The following TRPC5 variants were observed in gnomAD, a reference collection of about 807,000 sequenced individuals.
TRPC5 encodes transient receptor potential cation channel subfamily C member 5.
TRPC5 carries 9 observed loss-of-function variants against 56.5 expected under a neutral mutation model. The ratio of observed to expected loss-of-function variants is 0.16; its 90% CI spans 0.10 to 0.28. TRPC5 has a LOEUF of 0.28. TRPC5 is among the 10% of genes least tolerant of loss of function. The pLI is 1.00. For synonymous variants in TRPC5, 282 were observed against 278.5 expected, an observed-to-expected ratio of 1.01 and a Z score of -0.13; for missense variants, 469 against 748.9, an observed-to-expected ratio of 0.63 and a Z score of 4.36.
At chrX:111,935,945 A>G (rs1001987812) in intron 2 of TRPC5, among the ~76,000 whole-genome samples, 2 of 111,474 alleles carry the variant, frequency 1.8e-5, no homozygotes, top group African/African-American at 6.5e-5. Flanking sequence ...GGCTTTGGCT[A>G]TTTTGGGTCT....
In TRPC5 at chrX:111,776,467, G is replaced by A. The variant is rs374262468; in HGVS notation, c.2768C>T (p.Ser923Phe). ...AQSSECPLACSSSLHCASSIC... is the reference protein window; with the variant it reads ...AQSSECPLACFSSLHCASSIC... ...GCTGGATGCACAGTGAAGAGAGCTG[G>A]AACAGGCTAGAGGGCATTCACTGCT... The change falls in exon 11 of 11, where the codon TCC becomes TTC. Residue 923 changes from serine (S) to phenylalanine (F), a missense_variant. This residue lies in a region of TRPC5 where 194 missense variants were observed against 221.8 expected (regional missense o/e 0.87). Coordinates refer to ENST00000262839, the MANE Select transcript of TRPC5 (RefSeq NM_012471.3). The A allele has an allele frequency of 4.1e-6, 5 of 1,209,390 alleles. No individual in the cohort carries two copies. The African/African-American group carries it at 8.7e-5, about 21-fold the overall frequency.
chrX:112,068,385 C>A (rs1930638351), intron 1 of TRPC5, among the ~76,000 whole-genome samples: 1 of 112,391 alleles, frequency 8.9e-6, no homozygotes, highest in Non-Finnish European at 1.9e-5. Context: ...AGGGAGTTCA[C>A]CTTTTGAACA....
At chrX:111,786,218 C>T (rs918589032) in intron 7 of TRPC5, among the ~76,000 whole-genome samples, 3 of 111,585 alleles carry the variant, frequency 2.7e-5, no homozygotes, top group Non-Finnish European at 5.6e-5. Flanking sequence ...ACGGACCTCT[C>T]GGCAGAAACC....
chrX:111,831,137 C>A (rs1922394500), intron 7 of TRPC5, among the ~76,000 whole-genome samples: 1 of 112,434 alleles, frequency 8.9e-6, no homozygotes, highest in Non-Finnish European at 1.9e-5. Context: ...TAGATTCTAG[C>A]AGCTGTTCCA....
chrX:111,960,863 G>C lies in TRPC5; in HGVS notation c.-21-8422C>G, dbSNP rs190540105. 2.1e-4 allele frequency among the ~76,000 whole-genome samples: 23 copies of C among 111,227 alleles called. No homozygotes were observed. The Admixed American group carries it at 2.1e-3, about 10-fold the overall frequency. On this transcript the variant is annotated intron_variant, in intron 1 of 10. Transcript: ENST00000262839. The stretch of plus-strand genomic sequence containing the variant: ...AGACAGAGTCTCACTCTGTTGCCCA[G>C]TGCAGTGGTGCGATCTCGGCTCACT...
chrX:111,980,366 T>G (rs780059480), intron 1 of TRPC5, among the ~76,000 whole-genome samples: 1 of 111,501 alleles, frequency 9.0e-6, no homozygotes, highest in South Asian at 3.7e-4. Context: ...CTTTTGAGTG[T>G]GATAGATATG....
intron 1 of TRPC5, among the ~76,000 whole-genome samples, chrX:112,044,721 G>T (rs970845559): frequency 8.9e-6 from 1 of 111,833 alleles, no homozygotes; most frequent in African/African-American, 3.2e-5. Flanking sequence ...GGAAAATTCT[G>T]TGTGATTTCT....
intron 2 of TRPC5, among the ~76,000 whole-genome samples, chrX:111,927,752 G>A (rs1487991333): frequency 9.1e-6 from 1 of 110,221 alleles, no homozygotes; most frequent in Non-Finnish European, 1.9e-5. Flanking sequence ...AATTCCGTAA[G>A]TTATGGATAT....
At chrX:112,074,724 T>C (rs1291776908) in intron 1 of TRPC5, among the ~76,000 whole-genome samples, 4 of 111,808 alleles carry the variant, frequency 3.6e-5, no homozygotes, top group Non-Finnish European at 7.5e-5. Context: ...CTTCTGACCA[T>C]GTCGAAAGTT....
intron 3 of TRPC5, among the ~76,000 whole-genome samples, chrX:111,910,885 T>C (rs970687277): frequency 5.3e-5 from 6 of 112,726 alleles, no homozygotes; most frequent in African/African-American, 1.9e-4. Flanking sequence ...TGTGCGTAAG[T>C]ATATTACCTA....
chrX:111,770,036 T>C lies in TRPC5; in HGVS notation c.*6277A>G, dbSNP rs1039292719. ...GTATGGCTTTTTAAGGTGACTACTT[T>C]AAAGGACCACGTTCATTTGGGTGCA... On this transcript the variant is annotated 3_prime_UTR_variant, in exon 11 of 11. Transcript: ENST00000262839. 3.6e-5 allele frequency among the ~76,000 whole-genome samples: 4 copies of C among 111,711 alleles called. 1 individual carries two copies. The highest frequency in any genetic ancestry group is 7.5e-5 in the Non-Finnish European group (4 of 53,098).
intron 3 of TRPC5, among the ~76,000 whole-genome samples, chrX:111,877,637 A>G (rs1924015509): frequency 9.0e-6 from 1 of 111,479 alleles, no homozygotes; most frequent in South Asian, 3.8e-4. Context: ...GGGTAAAACC[A>G]TAGGAGTTGG....
At position 111,771,170 on chromosome X, in the gene TRPC5, C is replaced by A. The variant is rs1945841319; in HGVS notation, c.*5143G>T. Among the ~76,000 whole-genome samples the A allele has an allele frequency of 9.0e-6, 1 of 111,369 alleles. No individual in the cohort carries two copies. Among genetic ancestry groups the A allele is most frequent in the South Asian group, 3.8e-4 (1 of 2,642 alleles). ...TTCAGGGATGTATGACAGTTGATTTCAATGATCAAAAGTTGTGGGCTGTTT... is the reference window on the plus strand; with the variant it reads ...TTCAGGGATGTATGACAGTTGATTTAAATGATCAAAAGTTGTGGGCTGTTT... On this transcript the variant is annotated 3_prime_UTR_variant, in exon 11 of 11. Transcript: ENST00000262839.
At chrX:111,967,085 A>T (rs1307550461) in intron 1 of TRPC5, among the ~76,000 whole-genome samples, 1 of 109,595 alleles carries the variant, frequency 9.1e-6, no homozygotes, top group Non-Finnish European at 1.9e-5. Flanking sequence ...AAACCCCATC[A>T]TCTCAGCCCA....
Position 112,001,560 on chromosome X carries a change from G to A in TRPC5, c.-21-49119C>T, listed in dbSNP as rs181136419. Among the ~76,000 whole-genome samples, 5 of 111,907 alleles carry A rather than the reference G, an allele frequency of 4.5e-5. No homozygotes were observed. The East Asian group carries it at 1.4e-3, about 32-fold the overall frequency. On this transcript the variant is annotated intron_variant, in intron 1 of 10. Transcript: ENST00000262839. ...AGATCACTTGAGGCTAGGAGTTCGA[G>A]ACCAGCCTGGCCAACACGGCAAAAC... is the stretch of plus-strand genomic sequence containing the variant.
At chrX:112,032,972 A>G (rs761000615) in intron 1 of TRPC5, among the ~76,000 whole-genome samples, 5 of 109,949 alleles carry the variant, frequency 4.5e-5, no homozygotes, top group African/African-American at 1.7e-4. Context: ...GAGGTTTTCA[A>G]ATGTCCATCA....
In TRPC5 at chrX:111,771,634, C is replaced by T. The variant is rs1945843819; in HGVS notation, c.*4679G>A. ...AAGATGAAAATCCTAGGCCACGTAC[C>T]AGCATATGAATGAATATTAACACCT... On this transcript the variant is annotated 3_prime_UTR_variant, in exon 11 of 11. Coordinates refer to ENST00000262839, the MANE Select transcript of TRPC5 (RefSeq NM_012471.3). Among the ~76,000 whole-genome samples the T allele has an allele frequency of 9.0e-6, 1 of 111,606 alleles. No individual in the cohort carries two copies. The highest frequency in any genetic ancestry group is 3.8e-4 in the South Asian group (1 of 2,665).
intron 7 of TRPC5, among the ~76,000 whole-genome samples, chrX:111,805,278 T>C: frequency 8.9e-6 from 1 of 112,227 alleles, no homozygotes. Flanking sequence ...GATTTTTGCA[T>C]CAATGTTCAT....
At chrX:112,060,854 T>C (rs776423225) in intron 1 of TRPC5, among the ~76,000 whole-genome samples, 1 of 112,641 alleles carries the variant, frequency 8.9e-6, no homozygotes, top group South Asian at 3.7e-4. Context: ...ATGCTTTCTC[T>C]TTGAACTCAC....
Sources: gnomAD v4.1 joint callset for allele counts (sites outside exome capture counted in the v4.1 genomes callset) on GRCh38, gnomAD v4.1.1 for gene constraint, gnomAD v4.1.1 regional missense constraint, MANE v1.5 for transcripts, NCBI Gene and HGNC (gene_info 2026-07-23, HGNC 2026-07-21) for gene names.